SHANK2: variants seen among roughly 807,000 people sequenced by gnomAD.
SHANK2 encodes SH3 and multiple ankyrin repeat domains 2.
A neutral mutation model predicts 133.7 loss-of-function variants in SHANK2; 43 were observed. The observed-to-expected ratio is 0.32, with a 90% CI of 0.25 to 0.41. The LOEUF (loss-of-function observed/expected upper bound fraction) is 0.41, where lower values mean the gene tolerates loss of function less well. Ranked by LOEUF, SHANK2 falls within the 10% of genes least tolerant of loss-of-function variation. SHANK2 has a pLI of 1.00. For missense variants in SHANK2, 1,994 were observed against 2,235.8 expected, an observed-to-expected ratio of 0.89 and a Z score of 2.18; for synonymous variants, 1,017 against 952.8, an observed-to-expected ratio of 1.07 and a Z score of -1.24.
chr11:70,485,280 G>A lies in SHANK2; in HGVS notation c.4979+34C>T, dbSNP rs1042831028. On this transcript the variant is annotated intron_variant, in intron 25 of 25. Transcript: ENST00000601538. This position sits in a 1 kb window ranked among gnomAD's most constrained non-coding sequence, Gnocchi z 5.8. ...CTGGTCAGCAGGGACAGTGCACGCA[G>A]AGCGGTGTGCATGTGCACCAACCGC... 6.4e-7 allele frequency: 1 copy of A among 1,568,504 alleles called. No individual in the cohort carries two copies. The highest frequency in any genetic ancestry group is 2.2e-5 in the East Asian group (1 of 44,670).
chr11:71,125,928 T>C (rs1257355263), intron 3 of SHANK2, among the ~76,000 whole-genome samples: 1 of 152,024 alleles, frequency 6.6e-6, no homozygotes, highest in African/African-American at 2.4e-5. Flanking sequence ...AGAATGATGC[T>C]AAATCAATCG....
Position 70,727,926 on chromosome 11 carries a change from A to G in SHANK2, c.1778-29163T>C, listed in dbSNP as rs535701778. Among the ~76,000 whole-genome samples the G allele has an allele frequency of 2.6e-5, 4 of 152,366 alleles. No homozygotes were observed. The East Asian group carries it at 7.7e-4, about 29-fold the overall frequency. ...GTAAGTAATTTTCCTCAAGGGACAA[A>G]GGAGGCGAGAGGTGTTCTGATGAGT... On this transcript the variant is annotated intron_variant, in intron 14 of 25. Coordinates refer to ENST00000601538, the MANE Select transcript of SHANK2 (RefSeq NM_012309.5).
At chr11:70,708,295 T>G (rs1030450551) in intron 14 of SHANK2, among the ~76,000 whole-genome samples, 6 of 152,070 alleles carry the variant, frequency 3.9e-5, no homozygotes, top group Admixed American at 3.9e-4. Context: ...CCCGATGGAC[T>G]GCCCTGGACA....
intron 15 of SHANK2, among the ~76,000 whole-genome samples, chr11:70,662,570 G>A (rs1944587274): frequency 6.6e-6 from 1 of 152,238 alleles, no homozygotes; most frequent in South Asian, 2.1e-4. Flanking sequence ...TAAAGCCCCT[G>A]AGGACACCAG....
At chr11:70,501,283 T>C (rs1034857164) in intron 20 of SHANK2, among the ~76,000 whole-genome samples, 33 of 152,162 alleles carry the variant, frequency 2.2e-4, no homozygotes, top group African/African-American at 7.7e-4. Context: ...AAGGATGACA[T>C]CACTGCTGTG....
chr11:71,171,756 T>C (rs1459639218), intron 2 of SHANK2, among the ~76,000 whole-genome samples: 2 of 152,184 alleles, frequency 1.3e-5, no homozygotes, highest in Admixed American at 1.3e-4. Context: ...AGGTGTTCCT[T>C]AGTCCAGTCG....
chr11:70,539,198 G>A (rs1010605859), intron 17 of SHANK2, among the ~76,000 whole-genome samples: 7 of 152,152 alleles, frequency 4.6e-5, no homozygotes, highest in African/African-American at 1.7e-4. Flanking sequence ...AGCGTGCACG[G>A]CCGACCCCAG....
intron 17 of SHANK2, among the ~76,000 whole-genome samples, chr11:70,636,740 GTGTGAGCATGT>G: frequency 4.2e-5 from 1 of 23,994 alleles, no homozygotes; most frequent in Non-Finnish European, 1.0e-4. Flanking sequence ...GTGTGAATAT[GTGTGAGCATGT>G]GTGTGAGCAT....
chr11:71,190,861 T>A (rs563334694), intron 2 of SHANK2, among the ~76,000 whole-genome samples: 42 of 152,158 alleles, frequency 2.8e-4, no homozygotes, highest in Non-Finnish European at 4.9e-4. Flanking sequence ...GCCCCTGCGG[T>A]GCTGGAGAAG....
intron 17 of SHANK2, among the ~76,000 whole-genome samples, chr11:70,636,467 CTG>C (rs2061088632): frequency 7.0e-6 from 1 of 143,096 alleles, no homozygotes; most frequent in Non-Finnish European, 1.5e-5. Context: ...GTGTGAGCAT[CTG>C]TGTATGTGTA....
chr11:70,756,393 T>C (rs2134941937), intron 14 of SHANK2, among the ~76,000 whole-genome samples: 1 of 152,276 alleles, frequency 6.6e-6, no homozygotes, highest in South Asian at 2.1e-4. Context: ...GCCACGGTGC[T>C]GGGCCTAGGG....
intron 1 of SHANK2, among the ~76,000 whole-genome samples, chr11:71,250,675 G>A (rs1948162700): frequency 6.6e-6 from 1 of 152,186 alleles, no homozygotes; most frequent in South Asian, 2.1e-4. Flanking sequence ...TGGACCTGCT[G>A]AACCCTCTGG....
At chr11:70,831,966 G>A (rs1313051091) in intron 11 of SHANK2, among the ~76,000 whole-genome samples, 1 of 152,220 alleles carries the variant, frequency 6.6e-6, no homozygotes, top group Non-Finnish European at 1.5e-5. Flanking sequence ...TGTAAAGTAG[G>A]AATAGCACAA....
At chr11:70,883,832 G>A (rs1222587243) in intron 11 of SHANK2, among the ~76,000 whole-genome samples, 2 of 152,224 alleles carry the variant, frequency 1.3e-5, no homozygotes, top group African/African-American at 2.4e-5. Flanking sequence ...GGGAGAAGGC[G>A]CTGAGGATGC....
chr11:70,847,797 G>A (rs1949018483), intron 11 of SHANK2, among the ~76,000 whole-genome samples: 1 of 152,190 alleles, frequency 6.6e-6, no homozygotes, highest in Non-Finnish European at 1.5e-5. Context: ...CTCATCATCT[G>A]GCTGCAGGGG....
At chr11:70,738,230 G>A (rs1017219110) in intron 14 of SHANK2, among the ~76,000 whole-genome samples, 2 of 152,284 alleles carry the variant, frequency 1.3e-5, no homozygotes, top group Non-Finnish European at 2.9e-5. Flanking sequence ...CCTGGTAGAT[G>A]CTCGAGCCTT....
chr11:70,914,794 G>A (rs1262114919), intron 10 of SHANK2, among the ~76,000 whole-genome samples: 7 of 151,146 alleles, frequency 4.6e-5, no homozygotes, highest in African/African-American at 1.2e-4. Context: ...AGGAGACTGC[G>A]AAGGGAGGAT....
chr11:71,162,130 T>C (rs1953034322), intron 2 of SHANK2, among the ~76,000 whole-genome samples: 1 of 152,266 alleles, frequency 6.6e-6, no homozygotes, highest in Non-Finnish European at 1.5e-5. Context: ...TAAATGCCAC[T>C]GTCTTATTCT....
chr11:71,061,220 C>T (rs939989537), intron 9 of SHANK2, among the ~76,000 whole-genome samples: 1 of 152,224 alleles, frequency 6.6e-6, no homozygotes, highest in African/African-American at 2.4e-5. Flanking sequence ...TACTGGGATG[C>T]GACCACATCT....
Sources: allele counts gnomAD v4.1 joint callset (sites outside exome capture counted in the v4.1 genomes callset), GRCh38; gene constraint gnomAD v4.1.1; non-coding constraint Gnocchi (gnomAD v3.1); transcripts MANE v1.5; gene names NCBI Gene and HGNC (gene_info 2026-07-23, HGNC 2026-07-21).